NAV3: variants seen among roughly 807,000 people sequenced by gnomAD.
The protein encoded by NAV3 is neuron navigator 3.
In NAV3, 87 loss-of-function variants were observed where a neutral mutation model predicts 244.7. The observed-to-expected ratio is 0.36, with a 90% CI of 0.30 to 0.42. NAV3 has a LOEUF of 0.42. Ranked by LOEUF, NAV3 falls within the 20% of genes least tolerant of loss-of-function variation. The pLI, the probability that NAV3 is intolerant of heterozygous loss-of-function variation, is 1.00. For synonymous variants in NAV3, 1,126 were observed against 1,042.2 expected, an observed-to-expected ratio of 1.08 and a Z score of -1.55; for missense variants, 2,663 against 2,893.3, an observed-to-expected ratio of 0.92 and a Z score of 1.83.
At chr12:78,184,577 A>G (rs187295342) in intron 30 of NAV3, among the ~76,000 whole-genome samples, 1 of 151,988 alleles carries the variant, frequency 6.6e-6, no homozygotes. Flanking sequence ...ATGATCTTAG[A>G]GTATTTTTAT....
intron 24 of NAV3, among the ~76,000 whole-genome samples, chr12:78,171,634 G>T (rs936261110): frequency 1.3e-5 from 2 of 151,458 alleles, no homozygotes; most frequent in African/African-American, 4.8e-5. Context: ...AACACAAAGT[G>T]ATTCTTATCA....
chr12:77,899,646 A>T (rs1327576231), intron 1 of NAV3, among the ~76,000 whole-genome samples: 1 of 152,336 alleles, frequency 6.6e-6, no homozygotes, highest in Non-Finnish European at 1.5e-5. Flanking sequence ...GCTTTATTGC[A>T]CTATTTGGTT....
intron 2 of NAV3, among the ~76,000 whole-genome samples, chr12:77,657,768 T>A (rs988699606): frequency 3.3e-5 from 5 of 152,148 alleles, no homozygotes; most frequent in Non-Finnish European, 7.4e-5. Flanking sequence ...CATGATCAAG[T>A]GGGCTTCATC....
intron 2 of NAV3, among the ~76,000 whole-genome samples, chr12:77,686,436 T>C (rs142665311): frequency 6.7e-6 from 1 of 149,608 alleles, no homozygotes; most frequent in African/African-American, 2.4e-5. Context: ...TTTTTTTTTT[T>C]TTTTTTTTTT....
At chr12:77,884,320 C>G (rs1883026868) in intron 1 of NAV3, among the ~76,000 whole-genome samples, 1 of 152,030 alleles carries the variant, frequency 6.6e-6, no homozygotes. Flanking sequence ...GGGATATATC[C>G]TGGGAATTCT....
chr12:77,998,226 T>C, intron 6 of NAV3, 111 bp from the exon 7 acceptor site: 1 of 730,438 alleles, frequency 1.4e-6, no homozygotes, highest in Non-Finnish European at 2.0e-6. Context: ...CATTTTCTGC[T>C]AAATAGATTT....
chr12:77,583,915 A>G (rs978902917), intron 2 of NAV3, among the ~76,000 whole-genome samples: 1 of 152,216 alleles, frequency 6.6e-6, no homozygotes, highest in Non-Finnish European at 1.5e-5. Flanking sequence ...TTCCTTGAAC[A>G]ATGCAAGTAC....
At chr12:77,830,707 C>T (rs1873519963), upstream of NAV3, among the ~76,000 whole-genome samples, 1 of 152,214 alleles carries the variant, frequency 6.6e-6, no homozygotes, top group Admixed American at 6.5e-5. Flanking sequence ...CATCGTGGCT[C>T]ATGGCTGTCA....
At chr12:77,593,690 G>A (rs1870030111) in intron 2 of NAV3, among the ~76,000 whole-genome samples, 1 of 149,380 alleles carries the variant, frequency 6.7e-6, no homozygotes, top group African/African-American at 2.5e-5. Context: ...TGGCCAGGGT[G>A]GTATAGATCT....
intron 1 of NAV3, among the ~76,000 whole-genome samples, chr12:77,934,548 C>A (rs921852723): frequency 6.6e-6 from 1 of 152,146 alleles, no homozygotes; most frequent in East Asian, 1.9e-4. Flanking sequence ...CCTTCCAATT[C>A]TCTTCCCTAT....
chr12:77,918,221 T>C (rs1408738787), intron 1 of NAV3, among the ~76,000 whole-genome samples: 10 of 152,120 alleles, frequency 6.6e-5, no homozygotes, highest in Admixed American at 6.6e-5. Flanking sequence ...CTAAATAAAA[T>C]ACATTTAACA....
At chr12:77,641,868 C>T (rs760076698) in intron 2 of NAV3, among the ~76,000 whole-genome samples, 12 of 152,054 alleles carry the variant, frequency 7.9e-5, no homozygotes, top group Non-Finnish European at 1.6e-4. Flanking sequence ...CAAGTATATG[C>T]TCGGGGAAAG....
chr12:77,671,014 G>A (rs1202304884), intron 2 of NAV3, among the ~76,000 whole-genome samples: 1 of 152,074 alleles, frequency 6.6e-6, no homozygotes, highest in African/African-American at 2.4e-5. Flanking sequence ...ATTTGCTGAT[G>A]ATATGATCAT....
At chr12:77,887,320 A>G (rs1370655990) in intron 1 of NAV3, among the ~76,000 whole-genome samples, 1 of 152,144 alleles carries the variant, frequency 6.6e-6, no homozygotes, top group African/African-American at 2.4e-5. Context: ...ATAGGGTTGA[A>G]TCCTTAAAAC....
intron 9 of NAV3, among the ~76,000 whole-genome samples, chr12:78,032,723 T>G (rs181285484): frequency 1.3e-5 from 2 of 152,184 alleles, no homozygotes; most frequent in South Asian, 4.1e-4. Flanking sequence ...GCTGAATTAA[T>G]GGTACAGATT....
chr12:77,649,968 G>A (rs1009440510), intron 2 of NAV3, among the ~76,000 whole-genome samples: 2 of 152,180 alleles, frequency 1.3e-5, no homozygotes, highest in Non-Finnish European at 2.9e-5. Context: ...TTCACATACA[G>A]TGAGATATGT....
At chr12:77,888,297 A>G (rs1290340329) in intron 1 of NAV3, among the ~76,000 whole-genome samples, 1 of 151,844 alleles carries the variant, frequency 6.6e-6, no homozygotes, top group Non-Finnish European at 1.5e-5. Context: ...CTCAACTGAG[A>G]CCCCCATCTC....
intron 2 of NAV3, among the ~76,000 whole-genome samples, chr12:77,655,424 C>A (rs374213034): frequency 6.6e-6 from 1 of 152,024 alleles, no homozygotes; most frequent in African/African-American, 2.4e-5. Context: ...TAAAAAGAAA[C>A]GAACAAAGCC....
chr12:77,618,133 C>T (rs1871214417), intron 2 of NAV3, among the ~76,000 whole-genome samples: 1 of 152,182 alleles, frequency 6.6e-6, no homozygotes, highest in Admixed American at 6.5e-5. Flanking sequence ...ACCATCTAGG[C>T]AATGGATTCC....
Sources: gnomAD v4.1 joint callset for allele counts (sites outside exome capture counted in the v4.1 genomes callset) on GRCh38, gnomAD v4.1.1 for gene constraint, MANE v1.5 for transcripts, NCBI Gene and HGNC (gene_info 2026-07-23, HGNC 2026-07-21) for gene names.